ZNF653: variants seen among roughly 807,000 people sequenced by gnomAD.
The protein encoded by ZNF653 is 67 kDa zinc finger protein.
A neutral mutation model predicts 59.9 loss-of-function variants in ZNF653; 37 were observed. That is an observed-to-expected ratio of 0.62 (90% CI 0.48 to 0.81). ZNF653 has a LOEUF of 0.81. Among genes scored for constraint, ZNF653 ranks in the 40% least tolerant of loss-of-function variants. ZNF653 has a pLI of 0.00. For synonymous variants in ZNF653, 435 were observed against 371.8 expected (o/e 1.17, Z -1.96); for missense variants, 808 against 881.1 (o/e 0.92, Z 1.05).
At chr19:11,498,209 C>A in intron 2 of ZNF653, 87 bp downstream of exon 2, 1 of 1,587,574 alleles carries the variant, frequency 6.3e-7, no homozygotes, top group South Asian at 1.1e-5. Flanking sequence ...CTGCCTAGGG[C>A]AGCGACCTGG....
At chr19:11,496,547 C>T (rs1971590791) in intron 2 of ZNF653, among the ~76,000 whole-genome samples, 1 of 152,116 alleles carries the variant, frequency 6.6e-6, no homozygotes, top group African/African-American at 2.4e-5. Context: ...TGTGAATGCC[C>T]GAGTCAAGTC....
rs1439773124 is a variant in ZNF653, at chr19:11,495,966, G to C, written c.543C>G (p.Asp181Glu). 1 of 1,613,968 alleles carries C rather than the reference G, an allele frequency of 6.2e-7. No homozygotes were observed. The highest frequency in any genetic ancestry group is 8.5e-7 in the Non-Finnish European group (1 of 1,180,008). ...HSPLKPLSDS[D>E]PDSDKVGNGL... is the part of the protein sequence containing the mutation. ...CAGACCTACCTTTGTCACTGTCAGG[G>C]TCTGAGTCGCTGAGGGGCTTCAGGG... The change falls in exon 3 of 9, where the codon GAC (aspartate) becomes GAG (glutamate). Residue 181 changes from aspartate to glutamate, a missense_variant. Transcript: ENST00000293771. This position sits in a 1 kb window ranked among gnomAD's most constrained non-coding sequence, Gnocchi z 4.9.
Position 11,505,505 on chromosome 19 carries a change from C to A in ZNF653, c.282G>T (p.Gln94His). 1 of 1,492,772 alleles carries A rather than the reference C, an allele frequency of 6.7e-7. No homozygotes were observed. Among genetic ancestry groups the A allele is most frequent in the Non-Finnish European group, 8.8e-7 (1 of 1,134,310 alleles). The allele number at this position is 1,492,772 out of a possible 1,614,324, so 92.5% of individuals were successfully genotyped here. A position where few individuals can be genotyped will look rare whatever the true frequency, so the allele number is the denominator to read the frequency against. ...CCCCTCACCCGTGGCGGCCGCTCCG[C>A]TGGCCGCGCTCCAGAGAGATGAGGT... ...AAYLISLERG[Q>H]RSGRHGKPWE... Residue 94 changes from glutamine (Q) to histidine (H), a missense_variant, in exon 1 of 9, where the codon CAG becomes CAT. By Grantham distance (24) the Gln-to-His change is conservative. Transcript: ENST00000293771.
At chr19:11,488,301 C>T (rs930643932) in intron 3 of ZNF653, among the ~76,000 whole-genome samples, 22 of 152,050 alleles carry the variant, frequency 1.4e-4, no homozygotes, top group Non-Finnish European at 2.1e-4. Flanking sequence ...AGGCATGTGC[C>T]GCCATGCCCG....
chr19:11,488,712 C>T (rs1430850652), intron 3 of ZNF653, among the ~76,000 whole-genome samples: 1 of 151,788 alleles, frequency 6.6e-6, no homozygotes, highest in African/African-American at 2.4e-5. Context: ...ATTCTCCTGC[C>T]TCAGCCTCCC....
chr19:11,496,252 G>A, intron 2 of ZNF653, 87 bp from the exon 3 acceptor site: 2 of 1,361,204 alleles, frequency 1.5e-6, no homozygotes, highest in Non-Finnish European at 2.0e-6. Flanking sequence ...GGCTTTATGG[G>A]TCCCATGGGT....
rs1294709526 is a variant in ZNF653 at position 11,505,637 on chromosome 19, C to T, written c.150G>A (p.Glu50=). The change falls in exon 1 of 9, where the codon GAG becomes GAA. Residue 50 remains glutamate (E), a synonymous_variant. Coordinates refer to ENST00000293771, the MANE Select transcript of ZNF653 (RefSeq NM_138783.4). ...GCCGCACGTCGTACTTCTTCCGGGA[C>T]TCGAGCCGTCGCCGGGCCCGGTCCG... ...TESDRARRRL[E]SRKKYDVRRV... 13 of 1,499,286 alleles carry T rather than the reference C, an allele frequency of 8.7e-6. No individual in the cohort carries two copies. The highest frequency in any genetic ancestry group is 1.3e-5 in the South Asian group (1 of 79,910). 92.9% of individuals were successfully genotyped at this position (1,499,286 alleles called of 1,614,324 possible). A position where few individuals can be genotyped will look rare whatever the true frequency, so the allele number is the denominator to read the frequency against.
Position 11,495,148 on chromosome 19 carries a change from G to A in ZNF653, c.559+802C>T, listed in dbSNP as rs1422017791. 1.3e-5 allele frequency among the ~76,000 whole-genome samples: 2 copies of A among 152,054 alleles called. No individual in the cohort carries two copies. The highest frequency in any genetic ancestry group is 2.4e-5 in the African/African-American group (1 of 41,402). On this transcript the variant is annotated intron_variant, in intron 3 of 8. Coordinates refer to ENST00000293771, the MANE Select transcript of ZNF653 (RefSeq NM_138783.4). The surrounding 1 kb of genome is among the most constrained non-coding windows in gnomAD (Gnocchi z 4.9). ...GCCCCACCCTCAGCCCTGACAGGAC[G>A]CCTGGCAGTGTGCCCTACGCTCCTT...
At chr19:11,498,248 C>T in intron 2 of ZNF653, 48 bp downstream of exon 2, 1 of 1,613,152 alleles carries the variant, frequency 6.2e-7, no homozygotes, top group Non-Finnish European at 8.5e-7. Flanking sequence ...TCCATATTCC[C>T]ACCGCTCCCA....
chr19:11,498,420 A>G, intron 1 of ZNF653, 81 bp from the exon 2 acceptor site: 1 of 1,575,728 alleles, frequency 6.3e-7, no homozygotes. Flanking sequence ...CAGTGGCTAG[A>G]GCCACTGCTC....
rs564263448 is a variant in ZNF653, at chr19:11,505,458, C to T, written c.299+30G>A. On this transcript the variant is annotated intron_variant, in intron 1 of 8. Transcript: ENST00000293771. The stretch of plus-strand genomic sequence containing the variant: ...CGGCGGGGTCTGGGGGCGTCTCCTC[C>T]CTCCCTCCCTCGGGGCCAGGCCCCC... 5.1e-4 allele frequency: 720 copies of T among 1,423,152 alleles called. 6 individuals carry two copies. Among genetic ancestry groups the T allele is most frequent in the East Asian group, 2.1e-3 (70 of 33,130 alleles). 88.2% of individuals were successfully genotyped at this position (1,423,152 alleles called of 1,614,324 possible).
rs1252674741 is a variant in ZNF653, at chr19:11,505,794, A to G, written c.-8T>C. On this transcript the variant is annotated 5_prime_UTR_variant, in exon 1 of 9. Transcript: ENST00000293771. The stretch of plus-strand genomic sequence containing the variant: ...TAGCGCCCGCTCCGCCATCCCCCCC[A>G]CCCTGGTTACCAGCCTCCCCCGTTG... 1 of 844,244 alleles carries G rather than the reference A, an allele frequency of 1.2e-6. No individual in the cohort carries two copies. Among genetic ancestry groups the G allele is most frequent in the Non-Finnish European group, 1.4e-6 (1 of 722,166 alleles). 52.3% of individuals were successfully genotyped at this position (844,244 alleles called of 1,614,324 possible).
At chr19:11,505,467 C>T (rs2144958013) in intron 1 of ZNF653, 21 bp downstream of exon 1, 7 of 1,441,908 alleles carry the variant, frequency 4.9e-6, no homozygotes, top group Non-Finnish European at 5.4e-6. Context: ...CCCTCCCTCC[C>T]TCGGGGCCAG....
chr19:11,505,787 C>T lies in ZNF653; in HGVS notation c.-1G>A, dbSNP rs1226795321. On this transcript the variant is annotated 5_prime_UTR_variant, in exon 1 of 9. Transcript: ENST00000293771. ...CGGGCTCTAGCGCCCGCTCCGCCAT[C>T]CCCCCCACCCTGGTTACCAGCCTCC... The T allele has an allele frequency of 1.6e-5, 21 of 1,339,574 alleles. No individual in the cohort carries two copies. Among genetic ancestry groups the T allele is most frequent in the Admixed American group, 3.9e-5 (1 of 25,782 alleles). 83.0% of individuals were successfully genotyped at this position (1,339,574 alleles called of 1,614,324 possible).
chr19:11,488,197 T>C (rs1175558147), intron 3 of ZNF653, among the ~76,000 whole-genome samples: 1 of 151,228 alleles, frequency 6.6e-6, no homozygotes, highest in Non-Finnish European at 1.5e-5. Flanking sequence ...TCACCCAGGC[T>C]GGAGTGCAGT....
rs370256540 is a variant in ZNF653 at position 11,487,132 on chromosome 19, T to C, written c.1198A>G (p.Lys400Glu). 64 of 1,612,314 alleles carry C rather than the reference T, an allele frequency of 4.0e-5. 1 individual carries two copies. Among genetic ancestry groups the C allele is most frequent in the South Asian group, 8.8e-5 (8 of 91,072 alleles). ...GCTACTGGCTCCTCCTTCTCCTCCT[T>C]CTTTAGCAAGCACAGGTCCTCCTTC... ...KEKEDLCLLK[K>E]EEKEEPVAPE... The change falls in exon 5 of 9, where the codon AAG becomes GAG. Residue 400 changes from lysine (K) to glutamate (E), a missense_variant. By Grantham distance (56) the Lys-to-Glu change is moderately conservative. Transcript: ENST00000293771. The surrounding 1 kb of genome is among the most constrained non-coding windows in gnomAD (Gnocchi z 5.1).
In ZNF653 at chr19:11,487,672, T is replaced by G. The variant is rs747068927; in HGVS notation, c.791A>C (p.Asn264Thr). 3.7e-6 allele frequency: 6 copies of G among 1,613,812 alleles called. No individual in the cohort carries two copies. In the South Asian group the frequency reaches 6.6e-5, roughly 18 times the overall value. ...GGCTTCAGGCCCATTGCCTGCTGGG[T>G]TGGAGCACAGCGGGGTACCCTGCTC... is the stretch of plus-strand genomic sequence containing the variant. The part of the protein sequence containing the change: ...LAEQGTPLCS[N>T]PAGNGPEALE... Residue 264 changes from asparagine (N) to threonine (T), a missense_variant, in exon 4 of 9, where the codon AAC becomes ACC. Coordinates refer to ENST00000293771, the MANE Select transcript of ZNF653 (RefSeq NM_138783.4). This position sits in a 1 kb window ranked among gnomAD's most constrained non-coding sequence, Gnocchi z 5.1.
At chr19:11,489,016 C>T (rs961218498) in intron 3 of ZNF653, among the ~76,000 whole-genome samples, 1 of 151,776 alleles carries the variant, frequency 6.6e-6, no homozygotes, top group Non-Finnish European at 1.5e-5. Context: ...TCTCCTGCCT[C>T]AGCCTCCTGA....
At chr19:11,504,698 A>G (rs1971688368) in intron 1 of ZNF653, 3 of 353,766 alleles carry the variant, frequency 8.5e-6, no homozygotes, top group Non-Finnish European at 1.2e-5. Context: ...TGCTTGTGAT[A>G]CGGAATAAAC....
Sources: allele counts gnomAD v4.1 joint callset (sites outside exome capture counted in the v4.1 genomes callset), GRCh38; gene constraint gnomAD v4.1.1; non-coding constraint Gnocchi (gnomAD v3.1); transcripts MANE v1.5; gene names NCBI Gene and HGNC (gene_info 2026-07-23, HGNC 2026-07-21).